NEDD1: variants seen among roughly 807,000 people sequenced by gnomAD.
NEDD1 encodes NEDD1 gamma-tubulin ring complex targeting factor, also known as protein NEDD1.
NEDD1 carries 33 observed loss-of-function variants against 74.0 expected under a neutral mutation model. The observed-to-expected ratio is 0.45, with a 90% CI of 0.34 to 0.60. The LOEUF (loss-of-function observed/expected upper bound fraction) is 0.60. Ranked by LOEUF, NEDD1 falls within the 20% of genes least tolerant of loss-of-function variation. The probability of loss-of-function intolerance (pLI) is 0.01; values close to 1 mark genes in which losing one functional copy is unlikely to be tolerated. For missense variants in NEDD1, 746 were observed against 776.5 expected, an observed-to-expected ratio of 0.96 and a Z score of 0.47; for synonymous variants, 250 against 264.4, an observed-to-expected ratio of 0.95 and a Z score of 0.53.
intron 11 of NEDD1, among the ~76,000 whole-genome samples, 190 bp downstream of exon 11, chr12:96,942,814 A>G (rs539937492): frequency 3.9e-5 from 6 of 152,056 alleles, no homozygotes; most frequent in Non-Finnish European, 7.4e-5. Context: ...TCCTGCTTCA[A>G]TCAGGATGTC....
rs769818402 is a variant in NEDD1 at position 96,937,271 on chromosome 12, G to C, written c.995G>C (p.Ser332Thr). ...NKRSVNVNAA[S>T]GGVQNSGIVR... ...CGAAGTGTTAATGTGAATGCTGCTA[G>C]TGGAGGAGTTCAGAATTCCGGAATT... is the stretch of plus-strand genomic sequence containing the variant. Residue 332 changes from serine (S) to threonine (T), a missense_variant, in exon 9 of 16, where the codon AGT (serine) becomes ACT (threonine). Around this residue, in one of 3 missense-constraint regions of NEDD1, gnomAD observed 706 missense variants for 706.7 expected, o/e 1.00. Coordinates refer to ENST00000266742, the MANE Select transcript of NEDD1 (RefSeq NM_152905.4). 1 of 1,612,874 alleles carries C rather than the reference G, an allele frequency of 6.2e-7. No individual in the cohort carries two copies. The highest frequency in any genetic ancestry group is 1.7e-5 in the Admixed American group (1 of 59,950).
intron 10 of NEDD1, 28 bp from the exon 11 acceptor site, chr12:96,942,549 T>A: frequency 8.2e-7 from 1 of 1,224,260 alleles, no homozygotes; most frequent in Non-Finnish European, 1.2e-6. Context: ...TCACTAGTTT[T>A]AAAATTTGAT....
At chr12:96,910,508 T>C (rs907476371) in intron 3 of NEDD1, among the ~76,000 whole-genome samples, 1 of 152,218 alleles carries the variant, frequency 6.6e-6, no homozygotes, top group African/African-American at 2.4e-5. Flanking sequence ...CCTGTCTTGG[T>C]GAGCTCCTCA....
Position 96,932,463 on chromosome 12 carries a change from A to AAAT in NEDD1, c.490-2512_490-2511insATA. Among the ~76,000 whole-genome samples, 53 of 9,438 alleles carry AAAT rather than the reference A, an allele frequency of 5.6e-3. 2 individuals are homozygous for AAAT. Among genetic ancestry groups the AAAT allele is most frequent in the Admixed American group, 9.6e-3 (4 of 416 alleles). 6.2% of individuals were successfully genotyped at this position (9,438 alleles called of 152,430 possible). ...CTCTTAAAAAAAAAAAAAAAAAAAA[A>AAAT]ATATATATATATATATATATATATA... On this transcript the variant is annotated intron_variant, in intron 6 of 15. Coordinates refer to ENST00000266742, the MANE Select transcript of NEDD1 (RefSeq NM_152905.4).
At chr12:96,920,155 TG>T (rs750133559) in intron 6 of NEDD1, 30 bp downstream of exon 6, 1 of 1,428,508 alleles carries the variant, frequency 7.0e-7, no homozygotes, top group Non-Finnish European at 9.4e-7. Flanking sequence ...AGAGTAAAAT[TG>T]GTAAGATAGA....
intron 6 of NEDD1, among the ~76,000 whole-genome samples, chr12:96,932,418 GC>G (rs2136571089): frequency 1.3e-5 from 1 of 77,294 alleles, no homozygotes; most frequent in African/African-American, 4.9e-5. Context: ...ACCAGCCTGG[GC>G]AAAATGGCAA....
At chr12:96,917,036 G>T (rs1874538837) in intron 4 of NEDD1, among the ~76,000 whole-genome samples, 1 of 152,166 alleles carries the variant, frequency 6.6e-6, no homozygotes, top group Non-Finnish European at 1.5e-5. Context: ...TTGAGAAACT[G>T]GATGGTGTCT....
chr12:96,923,829 T>TGTGTGTGTGA (rs1186193892), intron 6 of NEDD1, among the ~76,000 whole-genome samples: 18 of 147,512 alleles, frequency 1.2e-4, no homozygotes, highest in Non-Finnish European at 2.1e-4. Flanking sequence ...TGTGTGTGTG[T>TGTGTGTGTGA]GAAACTGTAT....
intron 14 of NEDD1, 148 bp downstream of exon 14, chr12:96,945,997 T>G (rs1878161839): frequency 7.4e-6 from 4 of 538,828 alleles, no homozygotes. Context: ...GTTTTGTTGA[T>G]CTTTTCGTAC....
At chr12:96,917,565 A>G (rs1484159283) in intron 4 of NEDD1, 56 bp from the exon 5 acceptor site, 7 of 1,456,458 alleles carry the variant, frequency 4.8e-6, no homozygotes, top group African/African-American at 2.9e-5. Flanking sequence ...TGAGACCTGA[A>G]AGTCAGCTCT....
chr12:96,932,552 C>T (rs1283843965), intron 6 of NEDD1, among the ~76,000 whole-genome samples: 1 of 101,092 alleles, frequency 9.9e-6, no homozygotes, highest in Admixed American at 1.1e-4. Flanking sequence ...TTTAGTAAAT[C>T]AGTGTTTTGT....
rs764633919 is a variant in NEDD1 at position 96,945,731 on chromosome 12, A to G, written c.1693A>G (p.Ser565Gly). The G allele has an allele frequency of 2.9e-5, 47 of 1,605,070 alleles. No individual in the cohort carries two copies. The highest frequency in any genetic ancestry group is 3.8e-5 in the Non-Finnish European group (45 of 1,171,946). The change falls in exon 14 of 16, where the codon AGT (serine) becomes GGT (glycine). Residue 565 changes from serine (S) to glycine (G), a missense_variant. By Grantham distance (56) the Ser-to-Gly change is moderately conservative. This residue lies in a region of NEDD1 where 706 missense variants were observed against 706.7 expected (regional missense o/e 1.00). Transcript: ENST00000266742. ...ATCTTCTGTCACTGCTGGAGTTGCC[A>G]GTTCACTCTCAGAAAAAATAGCCGA... is the stretch of plus-strand genomic sequence containing the variant. ...IASSVTAGVA[S>G]SLSEKIADSI...
intron 9 of NEDD1, among the ~76,000 whole-genome samples, chr12:96,937,996 C>T (rs567277672): frequency 2.4e-4 from 36 of 152,130 alleles, no homozygotes; most frequent in South Asian, 1.5e-3. Context: ...ATACTGTCAA[C>T]GTGCAACAAA....
At chr12:96,947,208 A>G (rs1878280392) in intron 14 of NEDD1, among the ~76,000 whole-genome samples, 1 of 152,152 alleles carries the variant, frequency 6.6e-6, no homozygotes, top group Non-Finnish European at 1.5e-5. Context: ...AGTGTTAAAG[A>G]ATATACGTTT....
Position 96,929,623 on chromosome 12 carries a change from A to ATATATT in NEDD1, c.490-5352_490-5351insATATTT, listed in dbSNP as rs773021014. 2.8e-3 allele frequency among the ~76,000 whole-genome samples: 348 copies of ATATATT among 126,188 alleles called. 3 individuals are homozygous for ATATATT. The highest frequency in any genetic ancestry group is 8.6e-3 in the African/African-American group (283 of 33,020). 82.8% of individuals were successfully genotyped at this position (126,188 alleles called of 152,430 possible). On this transcript the variant is annotated intron_variant, in intron 6 of 15. Coordinates refer to ENST00000266742, the MANE Select transcript of NEDD1 (RefSeq NM_152905.4). Reference sequence around the variant, plus strand: ...CACATATGTGTATATATATATATATATTTTTTTTTTAATGGCTGCTTGCTT... The same window carrying ATATATT: ...CACATATGTGTATATATATATATATATATATTTTTTTTTTTTAATGGCTGCTTGCTT...
At chr12:96,922,614 T>G (rs1808020140) in intron 6 of NEDD1, among the ~76,000 whole-genome samples, 1 of 152,244 alleles carries the variant, frequency 6.6e-6, no homozygotes, top group Admixed American at 6.5e-5. Flanking sequence ...GGCCTAATTT[T>G]GTGTAAAAGA....
chr12:96,935,326 TGATG>T (rs1876983387), intron 7 of NEDD1, 121 bp downstream of exon 7: 1 of 635,698 alleles, frequency 1.6e-6, no homozygotes. Context: ...TTTGTACAGT[TGATG>T]GATCTAGTAA....
chr12:96,947,085 G>T, intron 14 of NEDD1, among the ~76,000 whole-genome samples: 1 of 152,118 alleles, frequency 6.6e-6, no homozygotes, highest in East Asian at 1.9e-4. Context: ...AACTATGTTA[G>T]TATTTTTATT....
chr12:96,942,215 T>G (rs1372095702), intron 10 of NEDD1, among the ~76,000 whole-genome samples: 1 of 152,120 alleles, frequency 6.6e-6, no homozygotes, highest in African/African-American at 2.4e-5. Flanking sequence ...ATGCAGAAAC[T>G]GAAACTTAAT....
Sources: gnomAD v4.1 joint callset for allele counts (sites outside exome capture counted in the v4.1 genomes callset) on GRCh38, gnomAD v4.1.1 for gene constraint, gnomAD v4.1.1 regional missense constraint, MANE v1.5 for transcripts, NCBI Gene and HGNC (gene_info 2026-07-23, HGNC 2026-07-21) for gene names.